The following N4BP1 variants were observed in gnomAD, a reference collection of about 807,000 sequenced individuals.
The protein encoded by N4BP1 is NEDD4 binding protein 1.
N4BP1 carries 21 observed loss-of-function variants against 70.9 expected under a neutral mutation model. The observed-to-expected ratio is 0.30, with a 90% CI of 0.21 to 0.43. The LOEUF (loss-of-function observed/expected upper bound fraction) is 0.43, where lower values mean the gene tolerates loss of function less well. N4BP1 is among the 20% of genes least tolerant of loss of function. N4BP1 has a pLI of 1.00. For missense variants in N4BP1, 936 were observed against 1,069.4 expected, an observed-to-expected ratio of 0.88 and a Z score of 1.74; for synonymous variants, 387 against 394.6, an observed-to-expected ratio of 0.98 and a Z score of 0.23.
intron 1 of N4BP1, among the ~76,000 whole-genome samples, chr16:48,598,397 GA>G (rs929338561): frequency 6.6e-6 from 1 of 152,014 alleles, no homozygotes; most frequent in Admixed American, 6.6e-5. Context: ...CTCCTTCCAG[GA>G]AAATTTTTAA....
chr16:48,585,281 T>C (rs771682881), intron 1 of N4BP1, among the ~76,000 whole-genome samples: 13 of 152,060 alleles, frequency 8.5e-5, no homozygotes, highest in Non-Finnish European at 1.6e-4. Flanking sequence ...AAACTTCCTA[T>C]ACTTTACTGG....
At chr16:48,576,025 C>T (rs1417120631) in intron 1 of N4BP1, among the ~76,000 whole-genome samples, 2 of 151,798 alleles carry the variant, frequency 1.3e-5, no homozygotes, top group African/African-American at 4.8e-5. Context: ...TGGATGCACA[C>T]TTTAGTATGC....
chr16:48,575,759 T>C, intron 1 of N4BP1, among the ~76,000 whole-genome samples: 1 of 151,998 alleles, frequency 6.6e-6, no homozygotes, highest in Admixed American at 6.6e-5. Flanking sequence ...CGAGAGCAAA[T>C]GGCAATGGAC....
rs1260100437 is a variant in N4BP1, at chr16:48,561,275, T to G, written c.1368A>C (p.Ser456=). ...PFKVEAKPCT[S]NCRINTFRTV... Reference sequence around the variant, plus strand: ...TTCTGAAAGTATTAATTCTACAATTTGAGGTACATGGTTTAGCTTCCACTT... The same window carrying G: ...TTCTGAAAGTATTAATTCTACAATTGGAGGTACATGGTTTAGCTTCCACTT... Residue 456 remains serine (S), a synonymous_variant, in exon 2 of 7, where the codon TCA becomes TCC. Coordinates refer to ENST00000262384, the MANE Select transcript of N4BP1 (RefSeq NM_153029.4). 6.2e-7 allele frequency: 1 copy of G among 1,613,948 alleles called. No individual in the cohort carries two copies. The highest frequency in any genetic ancestry group is 1.7e-5 in the Admixed American group (1 of 59,998).
At chr16:48,608,604 G>A (rs1467541892) in intron 1 of N4BP1, among the ~76,000 whole-genome samples, 1 of 152,094 alleles carries the variant, frequency 6.6e-6, no homozygotes, top group Non-Finnish European at 1.5e-5. Context: ...AAAACCTAGA[G>A]AAACTTGGTT....
rs530351420 is a variant in N4BP1 at position 48,539,592 on chromosome 16, T to C, written c.*3312A>G. 6.6e-6 allele frequency: 1 copy of C among 152,418 alleles called. No individual in the cohort carries two copies. Among genetic ancestry groups the C allele is most frequent in the African/African-American group, 2.4e-5 (1 of 41,576 alleles). 9.4% of individuals were successfully genotyped at this position (152,418 alleles called of 1,614,324 possible). On this transcript the variant is annotated 3_prime_UTR_variant, in exon 7 of 7. Coordinates refer to ENST00000262384, the MANE Select transcript of N4BP1 (RefSeq NM_153029.4). ...GTCCGTGGATCACCTGCATGGGAAC[T>C]GCCTGGGGAATGCGCTCATTTGCAG... is the stretch of plus-strand genomic sequence containing the variant.
intron 1 of N4BP1, among the ~76,000 whole-genome samples, chr16:48,575,694 G>A (rs1269314432): frequency 6.6e-6 from 1 of 152,180 alleles, no homozygotes; most frequent in Non-Finnish European, 1.5e-5. Flanking sequence ...ATTCTCAGAA[G>A]CAGCTGACTC....
chr16:48,594,608 G>A (rs538617571), intron 1 of N4BP1, among the ~76,000 whole-genome samples: 13 of 152,156 alleles, frequency 8.5e-5, no homozygotes, highest in East Asian at 3.9e-4. Flanking sequence ...TGCCCACCTC[G>A]ACCTCCCAAA....
rs1964122262 is a variant in N4BP1, at chr16:48,577,990, A to T, written c.199-15546T>A. ...TTGGAACACTTAACACCCACACTAGACGTGACCGTTCTAGTCCCTGAAGGC... is the reference window on the plus strand; with the variant it reads ...TTGGAACACTTAACACCCACACTAGTCGTGACCGTTCTAGTCCCTGAAGGC... On this transcript the variant is annotated intron_variant, in intron 1 of 6. Coordinates refer to ENST00000262384, the MANE Select transcript of N4BP1 (RefSeq NM_153029.4). The T allele has an allele frequency of 3.2e-5, 5 of 155,798 alleles. No individual in the cohort carries two copies. In the South Asian group the frequency reaches 8.3e-4, roughly 26 times the overall value. The allele number at this position is 155,798 out of a possible 1,614,324, so 9.7% of individuals were successfully genotyped here.
intron 2 of N4BP1, among the ~76,000 whole-genome samples, chr16:48,558,306 AAAAG>A (rs1457034512): frequency 1.5e-5 from 2 of 131,198 alleles, no homozygotes; most frequent in Admixed American, 7.8e-5. Context: ...AAAAAAAAAA[AAAAG>A]AAGAAATAAA....
chr16:48,572,543 T>C (rs993713693), intron 1 of N4BP1, among the ~76,000 whole-genome samples: 2 of 152,134 alleles, frequency 1.3e-5, no homozygotes, highest in African/African-American at 4.8e-5. Context: ...TAAAGACCCA[T>C]AAAATTACTC....
chr16:48,591,530 G>C (rs1385684345), intron 1 of N4BP1, among the ~76,000 whole-genome samples: 1 of 151,398 alleles, frequency 6.6e-6, no homozygotes, highest in African/African-American at 2.4e-5. Flanking sequence ...GCTAGAGTCT[G>C]ATAATAAGAG....
chr16:48,564,973 A>G (rs114261029), intron 1 of N4BP1, among the ~76,000 whole-genome samples: 2,064 of 151,534 alleles, frequency 0.014, 41 homozygotes, highest in African/African-American at 0.047. Flanking sequence ...GTCCACTGTT[A>G]GTATATACAA....
intron 1 of N4BP1, among the ~76,000 whole-genome samples, chr16:48,584,562 T>C (rs1159923200): frequency 6.6e-6 from 1 of 151,920 alleles, no homozygotes; most frequent in Non-Finnish European, 1.5e-5. Context: ...TCCTCCAACA[T>C]AATGAAACTA....
intron 1 of N4BP1, among the ~76,000 whole-genome samples, chr16:48,602,281 A>T (rs1286936507): frequency 1.3e-5 from 2 of 152,230 alleles, no homozygotes; most frequent in Non-Finnish European, 2.9e-5. Flanking sequence ...ACTGATGTTT[A>T]AAAAAGTTTT....
intron 1 of N4BP1, among the ~76,000 whole-genome samples, chr16:48,575,900 A>AT (rs1289533950): frequency 3.3e-5 from 5 of 152,208 alleles, no homozygotes; most frequent in African/African-American, 1.2e-4. Flanking sequence ...ATGGCACAAC[A>AT]TAAGATGTTC....
chr16:48,597,793 C>T (rs1405848996), intron 1 of N4BP1, among the ~76,000 whole-genome samples: 1 of 152,144 alleles, frequency 6.6e-6, no homozygotes, highest in African/African-American at 2.4e-5. Context: ...AAACCTCTTT[C>T]TCTACTGCAA....
At chr16:48,571,786 G>A (rs2151092612) in intron 1 of N4BP1, among the ~76,000 whole-genome samples, 1 of 152,240 alleles carries the variant, frequency 6.6e-6, no homozygotes, top group Non-Finnish European at 1.5e-5. Flanking sequence ...AAAGAAACGG[G>A]AAAAATAAGG....
intron 1 of N4BP1, among the ~76,000 whole-genome samples, chr16:48,575,142 AACGGATTATT>A (rs1171337298): frequency 6.6e-5 from 10 of 152,222 alleles, no homozygotes; most frequent in Admixed American, 1.3e-4. Flanking sequence ...GAGTAGCAAC[AACGGATTATT>A]ATATTCGAGT....
Sources: gnomAD v4.1 joint callset for allele counts (sites outside exome capture counted in the v4.1 genomes callset) on GRCh38, gnomAD v4.1.1 for gene constraint, MANE v1.5 for transcripts, NCBI Gene and HGNC (gene_info 2026-07-23, HGNC 2026-07-21) for gene names.